EFCAB13: variants seen among roughly 807,000 people sequenced by gnomAD.
EFCAB13 encodes the protein EF-hand calcium binding domain 13, also known as EF-hand calcium-binding domain-containing protein 13.
Under a neutral mutation model 110.2 loss-of-function variants are expected in EFCAB13, and 91 were observed. The ratio of observed to expected loss-of-function variants is 0.83; its 90% confidence interval spans 0.70 to 0.98. EFCAB13 has a LOEUF of 0.98. Among genes scored for constraint, EFCAB13 ranks in the 50% least tolerant of loss-of-function variants. EFCAB13 has a pLI of 0.00. For missense variants in EFCAB13, 968 were observed against 1,119.4 expected (o/e 0.86, Z 1.93); for synonymous variants, 323 against 369.9 (o/e 0.87, Z 1.45).
intron 18 of EFCAB13, among the ~76,000 whole-genome samples, chr17:47,403,230 C>G (rs2065788085): frequency 6.6e-6 from 1 of 152,068 alleles, no homozygotes; most frequent in African/African-American, 2.4e-5. Context: ...TTTATTGAGG[C>G]ATTATATGTC....
intron 23 of EFCAB13, among the ~76,000 whole-genome samples, chr17:47,422,383 G>A (rs888882016): frequency 2.0e-5 from 3 of 152,070 alleles, no homozygotes; most frequent in African/African-American, 7.2e-5. Flanking sequence ...GGAAGTCCTA[G>A]CCAGTATCAC....
intron 23 of EFCAB13, among the ~76,000 whole-genome samples, chr17:47,424,976 G>A (rs184267804): frequency 7.5e-6 from 1 of 133,184 alleles, no homozygotes; most frequent in Non-Finnish European, 1.6e-5. Flanking sequence ...TCCGCCTCCC[G>A]GGTTCACGCC....
In EFCAB13 at chr17:47,344,303, C is replaced by G. The variant is rs1175456747; in HGVS notation, c.434+11C>G. 1 of 1,607,360 alleles carries G rather than the reference C, an allele frequency of 6.2e-7. No homozygotes were observed. The highest frequency in any genetic ancestry group is 1.7e-5 in the Admixed American group (1 of 59,036). On this transcript the variant is annotated intron_variant, in intron 7 of 24. Transcript: ENST00000331493. Reference sequence around the variant, plus strand: ...TTCTGCAATTACTCGGTATTTAAATCCTTGTACTCTATTTTTTAAATGTTG... The same window carrying G: ...TTCTGCAATTACTCGGTATTTAAATGCTTGTACTCTATTTTTTAAATGTTG...
At chr17:47,378,000 A>G (rs1327043799) in intron 13 of EFCAB13, 97 bp downstream of exon 13, 2 of 1,064,348 alleles carry the variant, frequency 1.9e-6, no homozygotes, top group Non-Finnish European at 2.6e-6. Context: ...AGAAATTAGG[A>G]ATGGGACAGA....
chr17:47,331,813 G>A (rs2037861863), intron 4 of EFCAB13, among the ~76,000 whole-genome samples: 1 of 151,946 alleles, frequency 6.6e-6, no homozygotes, highest in Admixed American at 6.6e-5. Flanking sequence ...TCATATAGTT[G>A]GAATTATACA....
At chr17:47,371,829 G>A (rs1272083855) in intron 11 of EFCAB13, among the ~76,000 whole-genome samples, 1 of 152,122 alleles carries the variant, frequency 6.6e-6, no homozygotes, top group African/African-American at 2.4e-5. Flanking sequence ...GGTCAGGCTG[G>A]TCTTGAACTT....
intron 4 of EFCAB13, among the ~76,000 whole-genome samples, chr17:47,333,213 A>G (rs114470035): frequency 3.6e-3 from 549 of 152,212 alleles, no homozygotes; most frequent in African/African-American, 0.012. Context: ...TTTTTCACAA[A>G]CCTATAGGCC....
chr17:47,411,746 A>G (rs1048881519), intron 21 of EFCAB13, among the ~76,000 whole-genome samples: 3 of 152,194 alleles, frequency 2.0e-5, no homozygotes, highest in Non-Finnish European at 4.4e-5. Context: ...ATATGGAAAC[A>G]TAGACAACTT....
At chr17:47,382,326 T>C (rs1468816182) in intron 14 of EFCAB13, among the ~76,000 whole-genome samples, 2 of 152,324 alleles carry the variant, frequency 1.3e-5, no homozygotes, top group East Asian at 1.9e-4. Context: ...ACTTCCTCTC[T>C]TCCTATGTGA....
chr17:47,378,876 A>C (rs1409247545), intron 13 of EFCAB13, among the ~76,000 whole-genome samples: 1 of 151,852 alleles, frequency 6.6e-6, no homozygotes, highest in Non-Finnish European at 1.5e-5. Flanking sequence ...TTTTTCCTAG[A>C]TCTGTTAAGA....
intron 9 of EFCAB13, among the ~76,000 whole-genome samples, chr17:47,351,331 C>T (rs1328575619): frequency 4.9e-5 from 3 of 61,028 alleles, no homozygotes; most frequent in Admixed American, 1.3e-4. Flanking sequence ...GCGCGCGCCA[C>T]GTTTTCTTTA....
At chr17:47,335,436 G>A (rs1433634145) in intron 5 of EFCAB13, 80 bp downstream of exon 5, 1 of 1,215,732 alleles carries the variant, frequency 8.2e-7, no homozygotes, top group African/African-American at 1.5e-5. Context: ...TGTGGCTTAT[G>A]CGTTCTCATA....
intron 4 of EFCAB13, among the ~76,000 whole-genome samples, chr17:47,333,298 C>T (rs1026007352): frequency 2.6e-5 from 4 of 152,090 alleles, no homozygotes; most frequent in African/African-American, 9.7e-5. Flanking sequence ...TGTTTTCTTG[C>T]TTGAGTTGAG....
rs568355222 is a variant in EFCAB13, at chr17:47,393,271, T to A, written c.1727-754T>A. Among the ~76,000 whole-genome samples the A allele has an allele frequency of 2.0e-5, 3 of 152,300 alleles. No homozygotes were observed. In the East Asian group the frequency reaches 5.8e-4, roughly 29 times the overall value. On this transcript the variant is annotated intron_variant, in intron 15 of 24. Coordinates refer to ENST00000331493, the MANE Select transcript of EFCAB13 (RefSeq NM_152347.5). Reference sequence around the variant, plus strand: ...AAAGTAAGAAATATGTTATTCTAAGTATTGGTAAATATGGTGAAAGTGGTA... The same window carrying A: ...AAAGTAAGAAATATGTTATTCTAAGAATTGGTAAATATGGTGAAAGTGGTA...
At chr17:47,370,738 GTTTT>G (rs764924546) in intron 11 of EFCAB13, among the ~76,000 whole-genome samples, 3 of 127,198 alleles carry the variant, frequency 2.4e-5, no homozygotes, top group Admixed American at 8.1e-5. Flanking sequence ...GTTGTTGTTT[GTTTT>G]TTTTTTTTTT....
intron 14 of EFCAB13, among the ~76,000 whole-genome samples, chr17:47,382,284 C>T (rs2065651119): frequency 6.6e-6 from 1 of 152,276 alleles, no homozygotes; most frequent in Non-Finnish European, 1.5e-5. Flanking sequence ...TCTAGATATA[C>T]AATCATGTCA....
chr17:47,386,422 T>C (rs934138192), intron 14 of EFCAB13, among the ~76,000 whole-genome samples: 6 of 152,134 alleles, frequency 3.9e-5, no homozygotes, highest in African/African-American at 1.2e-4. Flanking sequence ...AGTCCGAACT[T>C]CCAGGCCTTT....
chr17:47,413,270 A>G (rs564414306), intron 22 of EFCAB13, among the ~76,000 whole-genome samples: 1 of 152,106 alleles, frequency 6.6e-6, no homozygotes, highest in Non-Finnish European at 1.5e-5. Flanking sequence ...TACTTGCTCC[A>G]TTTTGATTTT....
intron 9 of EFCAB13, among the ~76,000 whole-genome samples, chr17:47,351,012 C>T (rs556807999): frequency 2.4e-4 from 36 of 152,072 alleles, no homozygotes; most frequent in Middle Eastern, 3.4e-3. Flanking sequence ...AACCATTATT[C>T]GAATAGTTAT....
Sources: allele counts gnomAD v4.1 joint callset (sites outside exome capture counted in the v4.1 genomes callset), GRCh38; gene constraint gnomAD v4.1.1; transcripts MANE v1.5; gene names NCBI Gene and HGNC (gene_info 2026-07-23, HGNC 2026-07-21).